Variants in AMN1 observed in about 807,000 individuals in gnomAD.
The protein encoded by AMN1 is protein AMN1 homolog.
A neutral mutation model predicts 33.0 loss-of-function variants in AMN1; 20 were observed. That is an observed-to-expected ratio of 0.61 (90% CI 0.43 to 0.88). The LOEUF (loss-of-function observed/expected upper bound fraction) is 0.88, where lower values mean the gene tolerates loss of function less well. Among genes scored for constraint, AMN1 ranks in the 40% least tolerant of loss-of-function variants. The probability of loss-of-function intolerance (pLI) is 0.00; values close to 1 mark genes in which losing one functional copy is unlikely to be tolerated. For missense variants in AMN1, 246 were observed against 307.4 expected, an observed-to-expected ratio of 0.80 and a Z score of 1.49; for synonymous variants, 114 against 111.9, an observed-to-expected ratio of 1.02 and a Z score of -0.12.
chr12:31,694,442 CAAAA>C (rs71062451), intron 5 of AMN1, among the ~76,000 whole-genome samples: 1 of 116,796 alleles, frequency 8.6e-6, no homozygotes, highest in Non-Finnish European at 1.7e-5. Context: ...AACTCTGTCT[CAAAA>C]AAAAAAAAAA....
At chr12:31,713,376 T>A (rs1007606547) in intron 1 of AMN1, among the ~76,000 whole-genome samples, 1 of 152,222 alleles carries the variant, frequency 6.6e-6, no homozygotes. Flanking sequence ...ATATTTGTAA[T>A]TTAAAATCAA....
At chr12:31,710,269 A>G (rs1239413147) in intron 1 of AMN1, among the ~76,000 whole-genome samples, 1 of 152,162 alleles carries the variant, frequency 6.6e-6, no homozygotes, top group Non-Finnish European at 1.5e-5. Flanking sequence ...TGACCAACAT[A>G]TCTTATCTGT....
chr12:31,680,240 G>A lies in AMN1; in HGVS notation c.704-7863C>T, dbSNP rs138486712. Among the ~76,000 whole-genome samples the A allele has an allele frequency of 2.1e-4, 32 of 150,134 alleles. No homozygotes were observed. In the East Asian group the frequency reaches 5.3e-3, roughly 25 times the overall value. ...TTGAGATGGAGTTTTGCTCTTTGTT[G>A]CCCAGGCTGGAGTGTAGTGGTGTGA... On this transcript the variant is annotated intron_variant, in intron 6 of 6. Coordinates refer to ENST00000281471, the MANE Select transcript of AMN1 (RefSeq NM_001113402.2).
chr12:31,709,598 G>C (rs1226335124), intron 1 of AMN1, among the ~76,000 whole-genome samples, 173 bp from the exon 2 acceptor site: 2 of 152,066 alleles, frequency 1.3e-5, no homozygotes, highest in Non-Finnish European at 2.9e-5. Flanking sequence ...GCAGGAGGAT[G>C]GCTTGAGCTC....
chr12:31,684,717 T>G (rs1938175443), intron 6 of AMN1, among the ~76,000 whole-genome samples: 1 of 152,182 alleles, frequency 6.6e-6, no homozygotes, highest in South Asian at 2.1e-4. Flanking sequence ...GTGATCCACC[T>G]GCCTTGGCCT....
chr12:31,709,239 C>T (rs1279523585), intron 2 of AMN1, 54 bp downstream of exon 2: 1 of 1,585,614 alleles, frequency 6.3e-7, no homozygotes, highest in Non-Finnish European at 8.6e-7. Context: ...AATCTAAAAC[C>T]ATATCTAAAC....
At chr12:31,714,922 A>C (rs7295568) in intron 1 of AMN1, 336,689 of 978,678 alleles carry the variant, frequency 0.34, 58,952 homozygotes, top group Non-Finnish European at 0.36. Flanking sequence ...ACATTGTGCA[A>C]TTTTATTAAC....
intron 6 of AMN1, among the ~76,000 whole-genome samples, chr12:31,675,384 C>T (rs1951365419): frequency 6.6e-6 from 1 of 151,578 alleles, no homozygotes; most frequent in Admixed American, 6.6e-5. Context: ...CACACCACTG[C>T]ACTCCAGCCT....
intron 3 of AMN1, 135 bp downstream of exon 3, chr12:31,701,728 G>A: frequency 1.3e-6 from 1 of 781,122 alleles, no homozygotes. Context: ...TAGTCTGAAT[G>A]TTTTTACTGA....
intron 1 of AMN1, among the ~76,000 whole-genome samples, chr12:31,717,767 A>G (rs1243489965): frequency 6.6e-6 from 1 of 151,952 alleles, no homozygotes; most frequent in Non-Finnish European, 1.5e-5. Context: ...GGTTTGTTAC[A>G]TAGGTATACA....
intron 6 of AMN1, among the ~76,000 whole-genome samples, chr12:31,680,358 G>A (rs943089925): frequency 1.3e-5 from 2 of 151,564 alleles, no homozygotes; most frequent in African/African-American, 2.4e-5. Flanking sequence ...CCGTCACCAC[G>A]CCCGACTCAT....
intron 5 of AMN1, among the ~76,000 whole-genome samples, chr12:31,690,643 G>C (rs981756575): frequency 2.0e-5 from 3 of 152,054 alleles, no homozygotes; most frequent in Non-Finnish European, 4.4e-5. Flanking sequence ...GTTTGTTCTA[G>C]ATTCTGGATA....
chr12:31,672,476 T>C, intron 6 of AMN1, 99 bp from the exon 7 acceptor site: 1 of 856,902 alleles, frequency 1.2e-6, no homozygotes, highest in South Asian at 1.5e-5. Flanking sequence ...TATACAGTTA[T>C]TTAAAGGATT....
intron 6 of AMN1, among the ~76,000 whole-genome samples, chr12:31,677,457 G>A (rs966061076): frequency 8.5e-5 from 13 of 152,258 alleles, no homozygotes; most frequent in African/African-American, 3.1e-4. Flanking sequence ...GGCTCAGGAA[G>A]GAATTATAGA....
At chr12:31,686,966 A>G (rs1938291300) in intron 6 of AMN1, among the ~76,000 whole-genome samples, 1 of 152,124 alleles carries the variant, frequency 6.6e-6, no homozygotes, top group African/African-American at 2.4e-5. Flanking sequence ...GTTCCTTCAC[A>G]ACTTTCTGTG....
At chr12:31,701,161 G>A (rs1409296547) in intron 3 of AMN1, among the ~76,000 whole-genome samples, 1 of 151,774 alleles carries the variant, frequency 6.6e-6, no homozygotes, top group African/African-American at 2.4e-5. Flanking sequence ...CACCACGCCT[G>A]GCTAATTTTG....
chr12:31,684,286 TG>T (rs1938156114), intron 6 of AMN1, among the ~76,000 whole-genome samples: 1 of 152,258 alleles, frequency 6.6e-6, no homozygotes, highest in South Asian at 2.1e-4. Flanking sequence ...TGCTGAGTTT[TG>T]GGGTATCAAA....
At chr12:31,676,472 T>G (rs1402700086) in intron 6 of AMN1, among the ~76,000 whole-genome samples, 1 of 151,174 alleles carries the variant, frequency 6.6e-6, no homozygotes, top group Non-Finnish European at 1.5e-5. Flanking sequence ...TAGCCAGAAT[T>G]TGGCCCCCCC....
In AMN1 at chr12:31,709,276, G is replaced by T; in HGVS notation, c.171+17C>A. ...GAAAATATAATATGCTTGCTTTACAGTTATTCATACTCTTACCTCACTTAT... is the reference window on the plus strand; with the variant it reads ...GAAAATATAATATGCTTGCTTTACATTTATTCATACTCTTACCTCACTTAT... On this transcript the variant is annotated intron_variant, in intron 2 of 6. Transcript: ENST00000281471. The T allele has an allele frequency of 6.2e-7, 1 of 1,611,094 alleles. No individual in the cohort carries two copies. The highest frequency in any genetic ancestry group is 8.5e-7 in the Non-Finnish European group (1 of 1,178,278).
Sources: gnomAD v4.1 joint callset for allele counts (sites outside exome capture counted in the v4.1 genomes callset) on GRCh38, gnomAD v4.1.1 for gene constraint, MANE v1.5 for transcripts, NCBI Gene and HGNC (gene_info 2026-07-23, HGNC 2026-07-21) for gene names.